EPB41: variants seen among roughly 807,000 people sequenced by gnomAD.
The protein encoded by EPB41 is protein 4.1.
EPB41 carries 65 observed loss-of-function variants against 108.0 expected under a neutral mutation model. That is an observed-to-expected ratio of 0.60 (90% CI 0.49 to 0.74). The LOEUF (loss-of-function observed/expected upper bound fraction) is 0.74, where lower values mean the gene tolerates loss of function less well. Among genes scored for constraint, EPB41 ranks in the 30% least tolerant of loss-of-function variants. The pLI, the probability that EPB41 is intolerant of heterozygous loss-of-function variation, is 0.00. For missense variants in EPB41, 875 were observed against 1,037.0 expected (o/e 0.84, Z 2.15); for synonymous variants, 336 against 358.9 (o/e 0.94, Z 0.72).
At chr1:29,078,547 C>T (rs1655063890) in intron 16 of EPB41, among the ~76,000 whole-genome samples, 1 of 151,836 alleles carries the variant, frequency 6.6e-6, no homozygotes, top group Admixed American at 6.6e-5. Flanking sequence ...TCACTTGAGG[C>T]CAGAAGGATC....
chr1:29,101,388 GA>G (rs1665349551), intron 17 of EPB41, among the ~76,000 whole-genome samples: 1 of 152,202 alleles, frequency 6.6e-6, no homozygotes, highest in Non-Finnish European at 1.5e-5. Flanking sequence ...AGCTTTGGAG[GA>G]AAATTAGGTG....
Position 28,993,388 on chromosome 1 carries a change from T to C in EPB41, c.527T>C (p.Leu176Pro). Residue 176 changes from leucine (L) to proline (P), a missense_variant, in exon 3 of 21, where the codon CTT becomes CCT. Around this residue, in one of 3 missense-constraint regions of EPB41, gnomAD observed 353 missense variants for 393.2 expected, o/e 0.90. Coordinates refer to ENST00000343067, the MANE Select transcript of EPB41 (RefSeq NM_001376013.1). ...TTTGAAATTAAGGAAGGAGAAGGACTTGAAGAGTGCTCCAAAATAGAAGTA... is the reference window on the plus strand; with the variant it reads ...TTTGAAATTAAGGAAGGAGAAGGACCTGAAGAGTGCTCCAAAATAGAAGTA... ...PDFEIKEGEGLEECSKIEVKE... is the reference protein window; with the variant it reads ...PDFEIKEGEGPEECSKIEVKE... 1 of 1,613,776 alleles carries C rather than the reference T, an allele frequency of 6.2e-7. No homozygotes were observed. Among genetic ancestry groups the C allele is most frequent in the African/African-American group, 1.3e-5 (1 of 75,024 alleles).
upstream of EPB41, among the ~76,000 whole-genome samples, chr1:28,910,812 G>A (rs1403196827): frequency 1.3e-5 from 2 of 152,018 alleles, no homozygotes; most frequent in African/African-American, 2.4e-5. Flanking sequence ...GGCAGCTAGC[G>A]GGGCCTGTAT....
At chr1:28,903,326 CTTTTT>C (rs1288999444) in intron 1 of EPB41, among the ~76,000 whole-genome samples, 1 of 137,058 alleles carries the variant, frequency 7.3e-6, no homozygotes. Context: ...TCTTTTCTTT[CTTTTT>C]TTTTTTTTTT....
chr1:28,951,361 T>TACACAC (rs58546363), intron 1 of EPB41, among the ~76,000 whole-genome samples: 1,642 of 143,008 alleles, frequency 0.011, 27 homozygotes, highest in African/African-American at 0.039. Context: ...CCCTGTGTCT[T>TACACAC]ACACACACAC....
chr1:29,054,199 T>C (rs1002044627), intron 12 of EPB41: 9 of 152,188 alleles, frequency 5.9e-5, no homozygotes, highest in Admixed American at 5.9e-4. Context: ...AAATCACCAA[T>C]TTAATTAGCA....
At chr1:28,978,187 G>T (rs1337894852) in intron 1 of EPB41, among the ~76,000 whole-genome samples, 2 of 150,974 alleles carry the variant, frequency 1.3e-5, no homozygotes, top group African/African-American at 4.9e-5. Flanking sequence ...TCTTATGTTC[G>T]GCTTGTTTTT....
rs147205228 is a variant in EPB41 at position 29,032,166 on chromosome 1, A to G, written c.1213-927A>G. Among the ~76,000 whole-genome samples the G allele has an allele frequency of 4.3e-3, 658 of 152,126 alleles. 4 individuals are homozygous for G. Among genetic ancestry groups the G allele is most frequent in the African/African-American group, 0.015 (624 of 41,496 alleles). ...GGGCTGGGTACTACAACTTCTATGA[A>G]TCTCTAAAGTATATTGTAGGAAGAT... On this transcript the variant is annotated intron_variant, in intron 8 of 20. Transcript: ENST00000343067.
intron 4 of EPB41, among the ~76,000 whole-genome samples, chr1:29,004,491 A>G (rs2096363683): frequency 6.6e-6 from 1 of 152,212 alleles, no homozygotes; most frequent in African/African-American, 2.4e-5. Flanking sequence ...AATTTAGTTT[A>G]TAGTCATCTG....
At chr1:29,032,859 A>C (rs2096807093) in intron 8 of EPB41, among the ~76,000 whole-genome samples, 1 of 152,160 alleles carries the variant, frequency 6.6e-6, no homozygotes. Context: ...AAGAATTAAT[A>C]ATTGTGCGTG....
Position 29,060,411 on chromosome 1 carries a change from C to G in EPB41, c.1945-11C>G, listed in dbSNP as rs1430648776. The G allele has an allele frequency of 6.2e-7, 1 of 1,611,174 alleles. No individual in the cohort carries two copies. The highest frequency in any genetic ancestry group is 8.5e-7 in the Non-Finnish European group (1 of 1,177,706). ...TATGCTTTTCTGTTTTCCCCCCTTT[C>G]ATTTTCACAGAAAAAGAGAGAAAGA... On this transcript the variant is annotated splice_polypyrimidine_tract_variant and intron_variant, in intron 14 of 20. Coordinates refer to ENST00000343067, the MANE Select transcript of EPB41 (RefSeq NM_001376013.1).
chr1:29,057,706 T>C lies in EPB41; in HGVS notation c.1846-883T>C, dbSNP rs539436803. On this transcript the variant is annotated intron_variant, in intron 12 of 20. Coordinates refer to ENST00000343067, the MANE Select transcript of EPB41 (RefSeq NM_001376013.1). ...ATCCAATGCTTTGGGCATTGCTCCC[T>C]CTATTATGCTCCCTCTTAATAGTCT... is the stretch of plus-strand genomic sequence containing the variant. 5.9e-5 allele frequency among the ~76,000 whole-genome samples: 9 copies of C among 152,356 alleles called. No individual in the cohort carries two copies. In the East Asian group the frequency reaches 1.7e-3, roughly 29 times the overall value.
chr1:29,115,779 C>G lies in EPB41; in HGVS notation c.2577C>G (p.Thr859=), dbSNP rs536178. The part of the protein sequence containing the change: ...SVTKVVVHQE[T]EIADE ...CCAAGGTGGTCGTCCACCAGGAGAC[C>G]GAGATTGCTGATGAGTGAGCTCAGG... The change falls in exon 20 of 21, where the codon ACC becomes ACG. Residue 859 remains threonine, a synonymous_variant. Transcript: ENST00000343067. This position sits in a 1 kb window ranked among gnomAD's most constrained non-coding sequence, Gnocchi z 4.4. 5.0e-6 allele frequency: 8 copies of G among 1,613,866 alleles called. No homozygotes were observed. In the Admixed American group the frequency reaches 1.3e-4, roughly 27 times the overall value.
chr1:29,020,800 G>A (rs867172028), intron 7 of EPB41, among the ~76,000 whole-genome samples: 1 of 152,048 alleles, frequency 6.6e-6, no homozygotes, highest in South Asian at 2.1e-4. Context: ...TAGGACTATA[G>A]GTGTGTGCTA....
intron 3 of EPB41, among the ~76,000 whole-genome samples, chr1:28,996,368 T>C (rs1462755367): frequency 6.6e-6 from 1 of 152,222 alleles, no homozygotes; most frequent in Non-Finnish European, 1.5e-5. Context: ...CTGTTGGCTA[T>C]CTAGAATTTT....
rs770799291 is a variant in EPB41, at chr1:29,115,769, A to C, written c.2567A>C (p.His856Pro). Residue 856 changes from histidine (H) to proline (P), a missense_variant, in exon 20 of 21, where the codon CAC becomes CCC. Coordinates refer to ENST00000343067, the MANE Select transcript of EPB41 (RefSeq NM_001376013.1). This position sits in a 1 kb window ranked among gnomAD's most constrained non-coding sequence, Gnocchi z 4.4. ...PDMSVTKVVV[H>P]QETEIADE ...ATGTCAGTGACCAAGGTGGTCGTCC[A>C]CCAGGAGACCGAGATTGCTGATGAG... is the stretch of plus-strand genomic sequence containing the variant. The C allele has an allele frequency of 6.2e-7, 1 of 1,614,086 alleles. No homozygotes were observed. The highest frequency in any genetic ancestry group is 8.5e-7 in the Non-Finnish European group (1 of 1,180,004).
At chr1:29,113,746 G>A (rs1315390156) in intron 19 of EPB41, among the ~76,000 whole-genome samples, 1 of 152,154 alleles carries the variant, frequency 6.6e-6, no homozygotes, top group Non-Finnish European at 1.5e-5. Flanking sequence ...TTCTTCCAGG[G>A]TCATAAGGGC....
intron 7 of EPB41, among the ~76,000 whole-genome samples, chr1:29,026,250 C>T (rs2096717305): frequency 6.6e-6 from 1 of 152,042 alleles, no homozygotes; most frequent in African/African-American, 2.4e-5. Flanking sequence ...GTAATGGGAG[C>T]CAGGTTTCTC....
intron 1 of EPB41, among the ~76,000 whole-genome samples, chr1:28,964,553 A>G (rs1028829523): frequency 6.6e-6 from 1 of 152,172 alleles, no homozygotes; most frequent in Non-Finnish European, 1.5e-5. Context: ...GTGAGCCAAG[A>G]TCGTGCCACT....
Sources: gnomAD v4.1 joint callset for allele counts (sites outside exome capture counted in the v4.1 genomes callset) on GRCh38, gnomAD v4.1.1 for gene constraint, gnomAD v4.1.1 regional missense constraint, Gnocchi (gnomAD v3.1) non-coding constraint, MANE v1.5 for transcripts, NCBI Gene and HGNC (gene_info 2026-07-23, HGNC 2026-07-21) for gene names.